PLPP4: variants seen among roughly 807,000 people sequenced by gnomAD.
PLPP4 encodes phospholipid phosphatase 4, also known as diacylglycerol pyrophosphate like 2.
Under a neutral mutation model 32.2 loss-of-function variants are expected in PLPP4, and 20 were observed. The ratio of observed to expected loss-of-function variants is 0.62; its 90% confidence interval spans 0.44 to 0.90. PLPP4 has a LOEUF of 0.90. PLPP4 is among the 40% of genes least tolerant of loss of function. The pLI is 0.00. For synonymous variants in PLPP4, 127 were observed against 133.0 expected (o/e 0.95, Z 0.31); for missense variants, 257 against 353.1 (o/e 0.73, Z 2.18).
intron 5 of PLPP4, among the ~76,000 whole-genome samples, chr10:120,573,661 A>C (rs1253174376): frequency 6.6e-6 from 1 of 152,212 alleles, no homozygotes; most frequent in Non-Finnish European, 1.5e-5. Flanking sequence ...TTGAGCAGAA[A>C]ATCTTCTAGA....
At chr10:120,458,459 TC>T (rs1329628494) in intron 1 of PLPP4, among the ~76,000 whole-genome samples, 3 of 151,956 alleles carry the variant, frequency 2.0e-5, no homozygotes, top group Non-Finnish European at 4.4e-5. Flanking sequence ...CAATCTGGAG[TC>T]ATCCATGGCA....
chr10:120,487,333 T>A lies in PLPP4; in HGVS notation c.57-16485T>A, dbSNP rs566167300. On this transcript the variant is annotated intron_variant, in intron 1 of 6. Coordinates refer to ENST00000398250, the MANE Select transcript of PLPP4 (RefSeq NM_001030059.3). Reference sequence around the variant, plus strand: ...TTACACATTGAGATGGGAAGGCAACTCTTCCGCTGATGTGGTGTGTAGTGA... The same window carrying A: ...TTACACATTGAGATGGGAAGGCAACACTTCCGCTGATGTGGTGTGTAGTGA... 5.3e-5 allele frequency among the ~76,000 whole-genome samples: 8 copies of A among 152,354 alleles called. No homozygotes were observed. The East Asian group carries it at 1.2e-3, about 22-fold the overall frequency.
At chr10:120,530,002 AAC>A (rs1846626155) in intron 5 of PLPP4, among the ~76,000 whole-genome samples, 1 of 152,170 alleles carries the variant, frequency 6.6e-6, no homozygotes, top group African/African-American at 2.4e-5. Context: ...TTTATTATAC[AAC>A]ATTTCAGGCA....
At chr10:120,480,229 G>A (rs1363548634) in intron 1 of PLPP4, among the ~76,000 whole-genome samples, 1 of 152,184 alleles carries the variant, frequency 6.6e-6, no homozygotes, top group Non-Finnish European at 1.5e-5. Flanking sequence ...TACTGAGTGT[G>A]TTGCCCCCTT....
At chr10:120,469,429 G>A (rs1194593848) in intron 1 of PLPP4, among the ~76,000 whole-genome samples, 2 of 151,980 alleles carry the variant, frequency 1.3e-5, no homozygotes, top group Middle Eastern at 3.2e-3. Context: ...GGGTTTCACC[G>A]TGTTAGCCAG....
Position 120,467,887 on chromosome 10 carries a change from C to G in PLPP4, c.56+10526C>G, listed in dbSNP as rs1375723005. On this transcript the variant is annotated intron_variant, in intron 1 of 6. Transcript: ENST00000398250. Reference sequence around the variant, plus strand: ...CACTTTTCCTGATCCTTTTCCTCCTCCCACCCACTCACCCGCTTCTAGTAG... The same window carrying G: ...CACTTTTCCTGATCCTTTTCCTCCTGCCACCCACTCACCCGCTTCTAGTAG... 1.1e-4 allele frequency among the ~76,000 whole-genome samples: 7 copies of G among 64,316 alleles called. 2 individuals are homozygous for G. Among genetic ancestry groups the G allele is most frequent in the African/African-American group, 2.3e-4 (7 of 30,098 alleles). The allele number at this position is 64,316 out of a possible 152,430, so 42.2% of individuals were successfully genotyped here.
At chr10:120,542,209 G>A (rs1847377756) in intron 5 of PLPP4, among the ~76,000 whole-genome samples, 2 of 152,194 alleles carry the variant, frequency 1.3e-5, no homozygotes, top group Admixed American at 6.5e-5. Context: ...ACCGACAGAG[G>A]TCACCGAGGC....
intron 5 of PLPP4, among the ~76,000 whole-genome samples, chr10:120,572,743 ACTGGAATAC>A (rs1025925323): frequency 6.6e-6 from 1 of 152,192 alleles, no homozygotes; most frequent in African/African-American, 2.4e-5. Context: ...CTCCTCTCCC[ACTGGAATAC>A]CTCAAGGAAG....
intron 1 of PLPP4, among the ~76,000 whole-genome samples, chr10:120,463,317 T>C (rs111619194): frequency 2.5e-4 from 38 of 152,304 alleles, no homozygotes; most frequent in East Asian, 1.2e-3. Flanking sequence ...TGAGCCACCG[T>C]GCCCGGCCTA....
chr10:120,538,052 C>CTCTCTCTGTGTGTGTGTGTG (rs1847142984), intron 5 of PLPP4, among the ~76,000 whole-genome samples: 1 of 18,982 alleles, frequency 5.3e-5, no homozygotes, highest in African/African-American at 2.5e-4. Flanking sequence ...CTCTCTCTCT[C>CTCTCTCTGTGTGTGTGTGTG]TGTGTGTGTG....
chr10:120,532,837 T>A (rs1161470134), intron 5 of PLPP4, among the ~76,000 whole-genome samples: 1 of 152,232 alleles, frequency 6.6e-6, no homozygotes, highest in Non-Finnish European at 1.5e-5. Flanking sequence ...TCTTTTATTA[T>A]GTGGATATAG....
intron 5 of PLPP4, among the ~76,000 whole-genome samples, chr10:120,554,199 C>G (rs1041407750): frequency 5.9e-5 from 9 of 152,132 alleles, no homozygotes; most frequent in African/African-American, 2.2e-4. Context: ...TTTCTTCTGC[C>G]AGATACTGTA....
intron 5 of PLPP4, among the ~76,000 whole-genome samples, chr10:120,529,711 C>A (rs1013396373): frequency 6.6e-6 from 1 of 152,138 alleles, no homozygotes; most frequent in East Asian, 1.9e-4. Context: ...TGCAGCAGAG[C>A]AGCTCCTTCG....
Position 120,521,021 on chromosome 10 carries a change from C to T in PLPP4, c.371C>T (p.Ser124Leu), listed in dbSNP as rs769529627. The change falls in exon 5 of 7, where the codon TCG (serine) becomes TTG (leucine). Residue 124 changes from serine (S) to leucine (L), a missense_variant. Physicochemically the swap from Ser to Leu is moderately radical, Grantham distance 145. Coordinates refer to ENST00000398250, the MANE Select transcript of PLPP4 (RefSeq NM_001030059.3). ...TGCTTTCCAGATGGAGTGATGAACT[C>T]GGAAATGCATTGCACAGGTGACCCC... ...YRCFPDGVMN[S>L]EMHCTGDPDL... The T allele has an allele frequency of 3.1e-6, 5 of 1,614,048 alleles. No individual in the cohort carries two copies. The highest frequency in any genetic ancestry group is 1.1e-5 in the South Asian group (1 of 91,064).
intron 1 of PLPP4, among the ~76,000 whole-genome samples, chr10:120,469,542 A>G (rs1052113075): frequency 6.6e-6 from 1 of 152,156 alleles, no homozygotes; most frequent in Non-Finnish European, 1.5e-5. Context: ...TATTTGAAGT[A>G]TGTCTGATTT....
intron 5 of PLPP4, among the ~76,000 whole-genome samples, chr10:120,536,930 C>G (rs1355241483): frequency 6.6e-6 from 1 of 152,048 alleles, no homozygotes; most frequent in Non-Finnish European, 1.5e-5. Flanking sequence ...CTACAAATCT[C>G]CAACAGATAT....
intron 5 of PLPP4, among the ~76,000 whole-genome samples, chr10:120,561,863 A>G (rs7075713): frequency 0.091 from 13,823 of 152,220 alleles, 913 homozygotes; most frequent in African/African-American, 0.17. Context: ...ACCTGATTTC[A>G]AGGGTGCAAG....
chr10:120,484,180 C>T (rs1844337935), intron 1 of PLPP4, among the ~76,000 whole-genome samples: 1 of 152,120 alleles, frequency 6.6e-6, no homozygotes, highest in East Asian at 1.9e-4. Flanking sequence ...TTTTTCTATG[C>T]ATATGTGCAT....
At chr10:120,580,344 T>C (rs1849436337) in intron 6 of PLPP4, among the ~76,000 whole-genome samples, 1 of 152,130 alleles carries the variant, frequency 6.6e-6, no homozygotes, top group South Asian at 2.1e-4. Context: ...CTTCTTCCAA[T>C]TGTTGTCATG....
Sources: gnomAD v4.1 joint callset for allele counts (sites outside exome capture counted in the v4.1 genomes callset) on GRCh38, gnomAD v4.1.1 for gene constraint, MANE v1.5 for transcripts, NCBI Gene and HGNC (gene_info 2026-07-23, HGNC 2026-07-21) for gene names.